The following GPC6 variants were observed in gnomAD, a reference collection of about 807,000 sequenced individuals.
The protein encoded by GPC6 is glypican 6.
A neutral mutation model predicts 55.2 loss-of-function variants in GPC6; 14 were observed. That is an observed-to-expected ratio of 0.25 (90% CI 0.17 to 0.40). The LOEUF is 0.40. Among genes scored for constraint, GPC6 ranks in the 10% least tolerant of loss-of-function variants. The probability of loss-of-function intolerance (pLI) is 1.00; values close to 1 mark genes in which losing one functional copy is unlikely to be tolerated. For synonymous variants in GPC6, 278 were observed against 259.6 expected (o/e 1.07, Z -0.68); for missense variants, 641 against 708.5 (o/e 0.90, Z 1.08).
chr13:94,012,062 A>G (rs1396308865), intron 3 of GPC6, among the ~76,000 whole-genome samples: 1 of 151,134 alleles, frequency 6.6e-6, no homozygotes, highest in African/African-American at 2.4e-5. Context: ...TTGTCCTTTG[A>G]TTTTATTATT....
chr13:93,848,395 C>G (rs1421353646), intron 3 of GPC6, among the ~76,000 whole-genome samples: 3 of 151,978 alleles, frequency 2.0e-5, no homozygotes, highest in East Asian at 1.9e-4. Context: ...CTCCCTTTCC[C>G]GTGCCTTGGT....
At chr13:94,186,759 C>T (rs1202913009) in intron 4 of GPC6, 1 of 152,176 alleles carries the variant, frequency 6.6e-6, no homozygotes, top group Non-Finnish European at 1.5e-5. Flanking sequence ...AATATGCTAT[C>T]TTCTTTGAGC....
At chr13:94,392,916 T>C (rs1344043325) in intron 7 of GPC6, among the ~76,000 whole-genome samples, 1 of 151,214 alleles carries the variant, frequency 6.6e-6, no homozygotes, top group Non-Finnish European at 1.5e-5. Context: ...CCCGGCCCTG[T>C]TTTTAATTTT....
chr13:93,980,763 G>A lies in GPC6; in HGVS notation c.712-46966G>A, dbSNP rs1368081044. 2.0e-5 allele frequency among the ~76,000 whole-genome samples: 3 copies of A among 152,066 alleles called. No individual in the cohort carries two copies. The East Asian group carries it at 5.8e-4, about 29-fold the overall frequency. On this transcript the variant is annotated intron_variant, in intron 3 of 8. Coordinates refer to ENST00000377047, the MANE Select transcript of GPC6 (RefSeq NM_005708.5). ...TTGGATATGGGGGTACAAATGTCTG[G>A]CCCCTTTGCCCAGAGGCAGGATTTA...
intron 6 of GPC6, among the ~76,000 whole-genome samples, chr13:94,381,171 A>G (rs1017404376): frequency 1.3e-5 from 2 of 152,196 alleles, no homozygotes; most frequent in Admixed American, 6.5e-5. Context: ...GTTACTAGGT[A>G]CTTTGAGATT....
At chr13:94,196,655 A>G (rs1230762390) in intron 4 of GPC6, among the ~76,000 whole-genome samples, 1 of 152,104 alleles carries the variant, frequency 6.6e-6, no homozygotes. Flanking sequence ...AGTTTTACCC[A>G]AGTGATTAGT....
At chr13:94,237,814 G>T (rs999512215) in intron 4 of GPC6, among the ~76,000 whole-genome samples, 3 of 152,174 alleles carry the variant, frequency 2.0e-5, no homozygotes, top group East Asian at 1.9e-4. Context: ...GAGGGTTTCA[G>T]GCAGTGGTGT....
chr13:93,773,651 C>T (rs1211901705), intron 2 of GPC6, among the ~76,000 whole-genome samples: 5 of 152,140 alleles, frequency 3.3e-5, no homozygotes, highest in Non-Finnish European at 5.9e-5. Context: ...CTACGTTTCA[C>T]GGGTTCAGTC....
intron 1 of GPC6, among the ~76,000 whole-genome samples, chr13:93,289,616 G>A (rs1485903024): frequency 6.6e-6 from 1 of 152,032 alleles, no homozygotes; most frequent in Non-Finnish European, 1.5e-5. Flanking sequence ...TATATGTATA[G>A]GGAAAAATTT....
chr13:93,228,192 G>T lies in GPC6; in HGVS notation c.160+576G>T, dbSNP rs542093258. Among the ~76,000 whole-genome samples, 176 of 152,264 alleles carry T rather than the reference G, an allele frequency of 1.2e-3. 2 individuals carry two copies. The Middle Eastern group carries it at 0.041, about 35-fold the overall frequency. On this transcript the variant is annotated intron_variant, in intron 1 of 8. Transcript: ENST00000377047. ...GCGGGCAAGGCTGGGAGGGACCCTC[G>T]CCGGGGACCTGGCCTCTGGACGCCG...
Position 93,595,441 on chromosome 13 carries a change from C to A in GPC6, c.319+50020C>A, listed in dbSNP as rs1284552736. On this transcript the variant is annotated intron_variant, in intron 2 of 8. Coordinates refer to ENST00000377047, the MANE Select transcript of GPC6 (RefSeq NM_005708.5). ...ATTTCTTTTCTAATCAGAAAATAAT[C>A]TTTTGGAAACAATTCTAGCAAATAC... 1.3e-5 allele frequency among the ~76,000 whole-genome samples: 2 copies of A among 152,118 alleles called. 1 individual carries two copies. Among genetic ancestry groups the A allele is most frequent in the Middle Eastern group, 6.3e-3 (2 of 316 alleles).
At chr13:93,284,041 G>C (rs1450986044) in intron 1 of GPC6, among the ~76,000 whole-genome samples, 1 of 152,218 alleles carries the variant, frequency 6.6e-6, no homozygotes, top group Non-Finnish European at 1.5e-5. Context: ...CACTTGTATT[G>C]AATGTTGTTA....
chr13:93,506,961 TGA>T (rs1422591598), intron 1 of GPC6, among the ~76,000 whole-genome samples: 1 of 142,560 alleles, frequency 7.0e-6, no homozygotes, highest in East Asian at 2.1e-4. Context: ...CTCGGGAGGC[TGA>T]GACAGAATGG....
intron 1 of GPC6, among the ~76,000 whole-genome samples, chr13:93,407,528 A>C (rs1183018683): frequency 1.3e-5 from 2 of 152,194 alleles, no homozygotes; most frequent in Admixed American, 6.5e-5. Context: ...ATTTCTAAAA[A>C]GGCACATTTT....
intron 1 of GPC6, among the ~76,000 whole-genome samples, chr13:93,340,035 T>TC (rs1880192780): frequency 1.1e-5 from 1 of 93,018 alleles, no homozygotes; most frequent in Admixed American, 1.0e-4. Flanking sequence ...TCTTTTTTTT[T>TC]TTTTTTTTTT....
chr13:93,781,383 A>G (rs760182953), intron 2 of GPC6, among the ~76,000 whole-genome samples: 7 of 152,208 alleles, frequency 4.6e-5, no homozygotes, highest in Non-Finnish European at 1.0e-4. Context: ...GACTCCAGGA[A>G]TTATTTCTAT....
chr13:93,756,400 A>G (rs1884771592), intron 2 of GPC6, among the ~76,000 whole-genome samples: 4 of 152,194 alleles, frequency 2.6e-5, no homozygotes, highest in South Asian at 4.1e-4. Flanking sequence ...AAAGACAGAA[A>G]TGTACTTCCG....
At position 93,795,325 on chromosome 13, in the gene GPC6, C is replaced by G. The variant is rs139901547; in HGVS notation, c.320-34829C>G. On this transcript the variant is annotated intron_variant, in intron 2 of 8. Coordinates refer to ENST00000377047, the MANE Select transcript of GPC6 (RefSeq NM_005708.5). Reference sequence around the variant, plus strand: ...ATTAGGAATGCCTTTGTTTTCAAGACATCTGGATATCAAGACAATCCCAAG... The same window carrying G: ...ATTAGGAATGCCTTTGTTTTCAAGAGATCTGGATATCAAGACAATCCCAAG... Among the ~76,000 whole-genome samples the G allele has an allele frequency of 2.5e-3, 382 of 152,252 alleles. 3 individuals are homozygous for G. Among genetic ancestry groups the G allele is most frequent in the African/African-American group, 8.2e-3 (339 of 41,536 alleles).
chr13:93,625,679 C>T (rs969506091), intron 2 of GPC6, among the ~76,000 whole-genome samples: 4 of 152,184 alleles, frequency 2.6e-5, no homozygotes, highest in Non-Finnish European at 4.4e-5. Flanking sequence ...TACCTCTTTT[C>T]CCAAGGCCCC....
Sources: gnomAD v4.1 joint callset for allele counts (sites outside exome capture counted in the v4.1 genomes callset) on GRCh38, gnomAD v4.1.1 for gene constraint, MANE v1.5 for transcripts, NCBI Gene and HGNC (gene_info 2026-07-23, HGNC 2026-07-21) for gene names.